CYLD: variants seen among roughly 807,000 people sequenced by gnomAD.
CYLD encodes the protein CYLD lysine 63 deubiquitinase, also known as ubiquitin carboxyl-terminal hydrolase CYLD.
Under a neutral mutation model 104.5 loss-of-function variants are expected in CYLD, and 26 were observed. The observed-to-expected ratio is 0.25, with a 90% confidence interval of 0.18 to 0.35. The LOEUF (loss-of-function observed/expected upper bound fraction) is 0.35. CYLD is among the 10% of genes least tolerant of loss of function. The pLI is 1.00. For synonymous variants in CYLD, 385 were observed against 399.9 expected (o/e 0.96, Z 0.45); for missense variants, 703 against 1,136.1 (o/e 0.62, Z 5.48).
intron 3 of CYLD, 53 bp downstream of exon 3, chr16:50,750,255 T>A (rs1254543692): frequency 1.3e-6 from 2 of 1,595,212 alleles, no homozygotes; most frequent in African/African-American, 1.3e-5. Flanking sequence ...CATGTGTGTC[T>A]GTGTATTTGT....
At chr16:50,762,997 G>A (rs1219154791) in intron 5 of CYLD, among the ~76,000 whole-genome samples, 1 of 152,098 alleles carries the variant, frequency 6.6e-6, no homozygotes, top group Non-Finnish European at 1.5e-5. Flanking sequence ...TAAAAGAAAC[G>A]CTGCACCCCT....
At chr16:50,743,059 T>C (rs1301224337) in intron 2 of CYLD, among the ~76,000 whole-genome samples, 10 of 152,156 alleles carry the variant, frequency 6.6e-5, no homozygotes, top group Non-Finnish European at 1.5e-4. Flanking sequence ...CCACCAAGCC[T>C]GTGGCCTTGC....
At chr16:50,791,723 A>C (rs1214588599) in intron 15 of CYLD, 33 bp downstream of exon 15, 4 of 1,612,092 alleles carry the variant, frequency 2.5e-6, no homozygotes, top group Non-Finnish European at 3.4e-6. Flanking sequence ...ATTTTATGTG[A>C]AAGTCTGTGG....
At chr16:50,746,213 CT>C (rs1335852506) in intron 2 of CYLD, among the ~76,000 whole-genome samples, 1 of 152,136 alleles carries the variant, frequency 6.6e-6, no homozygotes, top group African/African-American at 2.4e-5. Flanking sequence ...AACTTTTGTA[CT>C]TTTTGTAGAA....
At chr16:50,759,913 C>T (rs991017579) in intron 5 of CYLD, among the ~76,000 whole-genome samples, 1 of 152,150 alleles carries the variant, frequency 6.6e-6, no homozygotes, top group African/African-American at 2.4e-5. Context: ...TTGAGTTGCT[C>T]ATTTATTGAT....
At chr16:50,763,518 T>C (rs1355661035) in intron 5 of CYLD, among the ~76,000 whole-genome samples, 1 of 152,186 alleles carries the variant, frequency 6.6e-6, no homozygotes, top group Non-Finnish European at 1.5e-5. Flanking sequence ...TTTCTTCATG[T>C]CCTTGTCAAT....
intron 5 of CYLD, among the ~76,000 whole-genome samples, chr16:50,767,576 A>G (rs185832729): frequency 3.6e-3 from 542 of 151,876 alleles, no homozygotes; most frequent in Non-Finnish European, 5.4e-3. Context: ...CCTTAATTGC[A>G]TTTCTTTGAA....
intron 11 of CYLD, among the ~76,000 whole-genome samples, chr16:50,783,311 T>C (rs1970457739): frequency 6.6e-6 from 1 of 152,102 alleles, no homozygotes; most frequent in South Asian, 2.1e-4. Context: ...CTGGGCTAAA[T>C]TGAGAGTAGC....
At chr16:50,750,348 C>CAAGGA in intron 3 of CYLD, 146 bp downstream of exon 3, 7 of 945,836 alleles carry the variant, frequency 7.4e-6, no homozygotes, top group Non-Finnish European at 1.2e-5. Flanking sequence ...ATCATCCTTG[C>CAAGGA]TGATGAATCC....
Position 50,783,888 on chromosome 16 carries a change from AATAG to A in CYLD, c.1827-438_1827-435del, listed in dbSNP as rs1415465318. 2.0e-5 allele frequency: 4 copies of A among 195,960 alleles called. No individual in the cohort carries two copies. In the East Asian group the frequency reaches 5.1e-4, roughly 25 times the overall value. The allele number at this position is 195,960 out of a possible 1,614,324, so 12.1% of individuals were successfully genotyped here. A position where few individuals can be genotyped will look rare whatever the true frequency, so the allele number is the denominator to read the frequency against. Reference sequence around the variant, plus strand: ...AGCATTTAAAGAAATTTATTAATGTAATAGATCTTTGCAAAGGGGCATGGGGAGA... The same window carrying A: ...AGCATTTAAAGAAATTTATTAATGTAATCTTTGCAAAGGGGCATGGGGAGA... On this transcript the variant is annotated intron_variant, in intron 11 of 18. Transcript: ENST00000427738.
chr16:50,774,548 A>C (rs1969471607), intron 5 of CYLD, among the ~76,000 whole-genome samples: 1 of 152,234 alleles, frequency 6.6e-6, no homozygotes, highest in African/African-American at 2.4e-5. Context: ...TAAGTAAAAT[A>C]AGGGTGACTT....
rs779807077 is a variant in CYLD, at chr16:50,750,107, T to A, written c.409T>A (p.Ser137Thr). 6.2e-7 allele frequency: 1 copy of A among 1,614,090 alleles called. No homozygotes were observed. Among genetic ancestry groups the A allele is most frequent in the Admixed American group, 1.7e-5 (1 of 60,012 alleles). The change falls in exon 3 of 19, where the codon TCT becomes ACT. Residue 137 changes from serine to threonine, a missense_variant. Physicochemically the swap from Ser to Thr is moderately conservative, Grantham distance 58 (BLOSUM62 1). Transcript: ENST00000427738. ...VGCPVKVQLR[S>T]GEEKFPGVVR... ...CTGTCCTGTGAAAGTACAGCTGAGA[T>A]CTGGGGAAGAAAAATTTCCTGGAGT...
At chr16:50,767,145 C>G (rs894914115) in intron 5 of CYLD, among the ~76,000 whole-genome samples, 9 of 152,172 alleles carry the variant, frequency 5.9e-5, no homozygotes, top group African/African-American at 2.2e-4. Flanking sequence ...CAACCATCAC[C>G]GTGATCAGTC....
intron 5 of CYLD, among the ~76,000 whole-genome samples, chr16:50,755,201 G>GTGTGTATATACACACGTGTACATA (rs1967065591): frequency 2.3e-5 from 2 of 88,234 alleles, no homozygotes; most frequent in Non-Finnish European, 4.7e-5. Flanking sequence ...GTGTACATAT[G>GTGTGTATATACACACGTGTACATA]TGTGTGTATA....
intron 2 of CYLD, among the ~76,000 whole-genome samples, chr16:50,747,406 C>T (rs922501020): frequency 2.0e-5 from 3 of 152,208 alleles, no homozygotes; most frequent in South Asian, 4.1e-4. Flanking sequence ...CTGTAGAAAG[C>T]ATTCGCGACC....
chr16:50,754,779 A>C (rs1966850594), intron 5 of CYLD, among the ~76,000 whole-genome samples: 1 of 151,828 alleles, frequency 6.6e-6, no homozygotes, highest in African/African-American at 2.4e-5. Flanking sequence ...AATAGCCTCC[A>C]ATTCCATCCA....
At position 50,775,178 on chromosome 16, in the gene CYLD, T is replaced by A. The variant is rs772974620; in HGVS notation, c.922+4T>A. The A allele has an allele frequency of 5.0e-6, 8 of 1,596,972 alleles. No individual in the cohort carries two copies. The South Asian group carries it at 8.8e-5, about 18-fold the overall frequency. Reference sequence around the variant, plus strand: ...TGCTGACACACAGCTTTATCAGGTATGACTCCTAAGTGTCGTGTTGGACTC... The same window carrying A: ...TGCTGACACACAGCTTTATCAGGTAAGACTCCTAAGTGTCGTGTTGGACTC... On this transcript the variant is annotated splice_donor_region_variant and intron_variant, in intron 6 of 18. Coordinates refer to ENST00000427738, the MANE Select transcript of CYLD (RefSeq NM_001378743.1).
Position 50,801,601 on chromosome 16 carries a change from C to T in CYLD, c.*5093C>T, listed in dbSNP as rs1009145978. The T allele has an allele frequency of 4.3e-6, 1 of 233,584 alleles. No individual in the cohort carries two copies. The highest frequency in any genetic ancestry group is 2.2e-5 in the African/African-American group (1 of 45,332). The allele number at this position is 233,584 out of a possible 1,614,324, so 14.5% of individuals were successfully genotyped here. On this transcript the variant is annotated 3_prime_UTR_variant, in exon 19 of 19. Coordinates refer to ENST00000427738, the MANE Select transcript of CYLD (RefSeq NM_001378743.1). The stretch of plus-strand genomic sequence containing the variant: ...ATTTTAGAAAGTCTTAGCATCAGAT[C>T]ATAAACATTCATTAAAAGAACTCAC...
rs190977024 is a variant in CYLD, at chr16:50,749,679, A to G, written c.-20A>G. 5.4e-5 allele frequency: 87 copies of G among 1,611,852 alleles called. 2 individuals carry two copies. The Admixed American group carries it at 1.4e-3, about 26-fold the overall frequency. On this transcript the variant is annotated 5_prime_UTR_variant, in exon 3 of 19. Transcript: ENST00000427738. ...AGTAGTTTCCCTTTTTTGAATTAGT[A>G]TTTTGAAGTTAATATCACAATGAGT...
Sources: gnomAD v4.1 joint callset for allele counts (sites outside exome capture counted in the v4.1 genomes callset) on GRCh38, gnomAD v4.1.1 for gene constraint, MANE v1.5 for transcripts, NCBI Gene and HGNC (gene_info 2026-07-23, HGNC 2026-07-21) for gene names.